GALNT12: variants seen among roughly 807,000 people sequenced by gnomAD.
GALNT12 encodes UDP-GalNAc:polypeptide N-acetylgalactosaminyltransferase 12.
GALNT12 carries 45 observed loss-of-function variants against 55.5 expected under a neutral mutation model. The observed-to-expected ratio is 0.81, with a 90% confidence interval of 0.64 to 1.04. The LOEUF (loss-of-function observed/expected upper bound fraction) is 1.04. Ranked by LOEUF, GALNT12 falls within the 50% of genes least tolerant of loss-of-function variation. The probability of loss-of-function intolerance (pLI) is 0.00; values close to 1 mark genes in which losing one functional copy is unlikely to be tolerated. For missense variants in GALNT12, 709 were observed against 754.8 expected (o/e 0.94, Z 0.71); for synonymous variants, 304 against 312.2 (o/e 0.97, Z 0.28).
intron 1 of GALNT12, among the ~76,000 whole-genome samples, chr9:98,819,744 G>A (rs886920994): frequency 2.6e-5 from 4 of 151,996 alleles, no homozygotes; most frequent in African/African-American, 9.7e-5. Flanking sequence ...AAGGCCAGGT[G>A]GGGAGATGTG....
At chr9:98,822,874 G>A (rs1436043838) in intron 1 of GALNT12, among the ~76,000 whole-genome samples, 1 of 152,104 alleles carries the variant, frequency 6.6e-6, no homozygotes, top group Non-Finnish European at 1.5e-5. Context: ...GGGAGGAAGG[G>A]GCATTCCAGG....
rs2118525226 is a variant in GALNT12 at position 98,849,259 on chromosome 9, G to A, written c.*167G>A. ...AAGTTGTGTTGGATTTAGTAAAAAT[G>A]TGAATAAGCTTTGTACTTATTTTGA... On this transcript the variant is annotated 3_prime_UTR_variant, in exon 10 of 10. Transcript: ENST00000375011. 1 of 684,026 alleles carries A rather than the reference G, an allele frequency of 1.5e-6. No homozygotes were observed. Among genetic ancestry groups the A allele is most frequent in the Non-Finnish European group, 2.6e-6 (1 of 391,310 alleles). 42.4% of individuals were successfully genotyped at this position (684,026 alleles called of 1,614,324 possible).
chr9:98,839,819 T>C (rs1316452477), intron 6 of GALNT12, among the ~76,000 whole-genome samples, 183 bp from the exon 7 acceptor site: 3 of 152,220 alleles, frequency 2.0e-5, no homozygotes, highest in Non-Finnish European at 4.4e-5. Flanking sequence ...CAGCCTCTCA[T>C]ACTAGAAGCT....
At chr9:98,827,621 C>A (rs1468917725) in intron 3 of GALNT12, among the ~76,000 whole-genome samples, 1 of 152,150 alleles carries the variant, frequency 6.6e-6, no homozygotes, top group Non-Finnish European at 1.5e-5. Flanking sequence ...TGACTTAACC[C>A]TTACACCCAG....
intron 1 of GALNT12, among the ~76,000 whole-genome samples, chr9:98,812,719 C>T (rs1044464930): frequency 2.0e-5 from 3 of 152,248 alleles, no homozygotes; most frequent in African/African-American, 4.8e-5. Flanking sequence ...ATTTGTTATG[C>T]TTTTTTGGTG....
intron 1 of GALNT12, among the ~76,000 whole-genome samples, chr9:98,809,558 T>C (rs1048453387): frequency 1.3e-5 from 2 of 152,196 alleles, no homozygotes; most frequent in Non-Finnish European, 2.9e-5. Flanking sequence ...TCCCTTCGTT[T>C]GCGAAATAGG....
intron 2 of GALNT12, among the ~76,000 whole-genome samples, chr9:98,824,698 T>C (rs1295617774): frequency 1.3e-5 from 2 of 152,150 alleles, no homozygotes; most frequent in Non-Finnish European, 2.9e-5. Context: ...GAGACGATGA[T>C]CCAGTTATGG....
intron 1 of GALNT12, among the ~76,000 whole-genome samples, chr9:98,821,624 CA>C (rs11467276): frequency 1.3e-4 from 15 of 112,030 alleles, no homozygotes; most frequent in South Asian, 3.6e-4. Flanking sequence ...GACTCCATCT[CA>C]AAAAAAAAAA....
At chr9:98,846,856 CAAAAAA>C (rs757918355) in intron 9 of GALNT12, among the ~76,000 whole-genome samples, 2 of 109,274 alleles carry the variant, frequency 1.8e-5, no homozygotes, top group Non-Finnish European at 1.8e-5. Flanking sequence ...GACTCCGTCT[CAAAAAA>C]AAAAAAAAAA....
chr9:98,816,934 C>T (rs1422781413), intron 1 of GALNT12, among the ~76,000 whole-genome samples: 1 of 151,452 alleles, frequency 6.6e-6, no homozygotes, highest in Non-Finnish European at 1.5e-5. Flanking sequence ...ATGCCATTCT[C>T]CTGCCTCAGC....
chr9:98,815,722 A>G (rs1284647327), intron 1 of GALNT12, among the ~76,000 whole-genome samples: 2 of 152,268 alleles, frequency 1.3e-5, no homozygotes, highest in Non-Finnish European at 2.9e-5. Flanking sequence ...GGACAATTTT[A>G]GAATGCACAA....
intron 3 of GALNT12, among the ~76,000 whole-genome samples, chr9:98,827,983 C>T (rs1477231549): frequency 6.6e-6 from 1 of 152,166 alleles, no homozygotes; most frequent in Non-Finnish European, 1.5e-5. Flanking sequence ...TCCCCATGCT[C>T]TGCCTCGTCT....
intron 1 of GALNT12, among the ~76,000 whole-genome samples, chr9:98,808,555 G>GC (rs1441706240): frequency 2.6e-5 from 4 of 152,194 alleles, no homozygotes; most frequent in Non-Finnish European, 5.9e-5. Flanking sequence ...TGGCTGTAAG[G>GC]CCCCCTCAGC....
Position 98,807,672 on chromosome 9 carries a change from A to G in GALNT12, c.-27A>G. The G allele has an allele frequency of 2.7e-6, 3 of 1,105,412 alleles. No homozygotes were observed. Among genetic ancestry groups the G allele is most frequent in the African/African-American group, 1.7e-5 (1 of 59,742 alleles). The allele number at this position is 1,105,412 out of a possible 1,614,324, so 68.5% of individuals were successfully genotyped here. ...CCTCCACCGCCGCCTTGGGGCGCGCAGATCGCTGGCTGCAGTTGGCGGGCG... is the reference window on the plus strand; with the variant it reads ...CCTCCACCGCCGCCTTGGGGCGCGCGGATCGCTGGCTGCAGTTGGCGGGCG... On this transcript the variant is annotated 5_prime_UTR_variant, in exon 1 of 10. Transcript: ENST00000375011.
chr9:98,816,389 G>GAAAAAAAAAAAA (rs11423472), intron 1 of GALNT12, among the ~76,000 whole-genome samples: 1 of 130,976 alleles, frequency 7.6e-6, no homozygotes, highest in Non-Finnish European at 1.6e-5. Flanking sequence ...ATTAAAAAAA[G>GAAAAAAAAAAAA]AAAAAAAAAA....
intron 1 of GALNT12, among the ~76,000 whole-genome samples, chr9:98,812,050 C>A (rs995627919): frequency 6.6e-6 from 1 of 152,100 alleles, no homozygotes; most frequent in African/African-American, 2.4e-5. Context: ...GGGAGTAGGA[C>A]ATTAGACTGA....
chr9:98,808,294 T>C (rs1835421964), intron 1 of GALNT12, among the ~76,000 whole-genome samples: 2 of 152,158 alleles, frequency 1.3e-5, no homozygotes. Flanking sequence ...AGTCTGTTAG[T>C]GATCTCTTAG....
chr9:98,808,649 A>C (rs914273380), intron 1 of GALNT12, among the ~76,000 whole-genome samples: 1 of 152,148 alleles, frequency 6.6e-6, no homozygotes, highest in Non-Finnish European at 1.5e-5. Context: ...ACGGGGTGGG[A>C]AGGGCTCCTT....
At chr9:98,839,233 T>C (rs1411936154) in intron 6 of GALNT12, among the ~76,000 whole-genome samples, 3 of 152,228 alleles carry the variant, frequency 2.0e-5, no homozygotes, top group Non-Finnish European at 4.4e-5. Context: ...GCAGTGACTT[T>C]CACCAGTGAA....
Sources: allele counts gnomAD v4.1 joint callset (sites outside exome capture counted in the v4.1 genomes callset), GRCh38; gene constraint gnomAD v4.1.1; transcripts MANE v1.5; gene names NCBI Gene and HGNC (gene_info 2026-07-23, HGNC 2026-07-21).